The following FAIM2 variants were observed in gnomAD, a reference collection of about 807,000 sequenced individuals.
FAIM2 encodes Fas apoptotic inhibitory molecule 2.
FAIM2 carries 27 observed loss-of-function variants against 47.4 expected under a neutral mutation model. The observed-to-expected ratio is 0.57, with a 90% CI of 0.42 to 0.78. The LOEUF (loss-of-function observed/expected upper bound fraction) is 0.78, where lower values mean the gene tolerates loss of function less well. Among genes scored for constraint, FAIM2 ranks in the 30% least tolerant of loss-of-function variants. The pLI is 0.00. For synonymous variants in FAIM2, 156 were observed against 159.3 expected, an observed-to-expected ratio of 0.98 and a Z score of 0.16; for missense variants, 311 against 389.4, an observed-to-expected ratio of 0.80 and a Z score of 1.69.
chr12:49,878,377 C>T (rs111064881), intron 11 of FAIM2, among the ~76,000 whole-genome samples: 1 of 120,344 alleles, frequency 8.3e-6, no homozygotes, highest in African/African-American at 3.2e-5. Context: ...TGGGCATGTG[C>T]ATGTGTGTAT....
intron 11 of FAIM2, among the ~76,000 whole-genome samples, chr12:49,880,497 TGTGTGTATGA>T (rs1462982723): frequency 3.7e-5 from 3 of 82,030 alleles, no homozygotes; most frequent in African/African-American, 9.1e-5. Flanking sequence ...CATGTGTATG[TGTGTGTATGA>T]GTGTGTATGT....
At chr12:49,898,501 C>T (rs190631494) in intron 2 of FAIM2, among the ~76,000 whole-genome samples, 2 of 152,270 alleles carry the variant, frequency 1.3e-5, no homozygotes, top group East Asian at 3.9e-4. Flanking sequence ...AAGATCCTGA[C>T]CCTTGCTCAT....
rs952725446 is a variant in FAIM2 at position 49,868,791 on chromosome 12, C to T, written c.*1713G>A. On this transcript the variant is annotated 3_prime_UTR_variant, in exon 12 of 12. Coordinates refer to ENST00000320634, the MANE Select transcript of FAIM2 (RefSeq NM_012306.4). ...ACTGCGATGGATTAATTTAGACCAG[C>T]ACACAGTGGGCATCTCACCCGTGCC... 1 of 152,290 alleles carries T rather than the reference C, an allele frequency of 6.6e-6. No homozygotes were observed. Among genetic ancestry groups the T allele is most frequent in the African/African-American group, 2.4e-5 (1 of 41,450 alleles). 9.4% of individuals were successfully genotyped at this position (152,290 alleles called of 1,614,324 possible).
chr12:49,903,348 G>A (rs1946994129), intron 1 of FAIM2, among the ~76,000 whole-genome samples: 1 of 152,264 alleles, frequency 6.6e-6, no homozygotes, highest in East Asian at 1.9e-4. Context: ...TGGAGGGTGG[G>A]AAAGATGAGC....
intron 11 of FAIM2, among the ~76,000 whole-genome samples, chr12:49,883,764 G>A (rs1946842069): frequency 6.6e-6 from 1 of 152,158 alleles, no homozygotes; most frequent in South Asian, 2.1e-4. Flanking sequence ...GTGGGTGGTG[G>A]CCTGGACACC....
chr12:49,897,162 C>A, intron 4 of FAIM2, 78 bp from the exon 5 acceptor site: 1 of 1,192,290 alleles, frequency 8.4e-7, no homozygotes, highest in South Asian at 1.2e-5. Flanking sequence ...CTGCATCTGT[C>A]CCACACAGTT....
chr12:49,871,838 G>A (rs1243763610), intron 11 of FAIM2, among the ~76,000 whole-genome samples: 5 of 151,976 alleles, frequency 3.3e-5, no homozygotes, highest in African/African-American at 1.2e-4. Flanking sequence ...AGCTAATTTT[G>A]TATTTTTAGC....
Position 49,878,469 on chromosome 12 carries a change from T to G in FAIM2, c.802-7816A>C, listed in dbSNP as rs1401220046. ...CTGAGTGAATGTGTATGCATGTATG[T>G]GTGTGTGCATGTGTGTATATGTATG... On this transcript the variant is annotated intron_variant, in intron 11 of 11. Coordinates refer to ENST00000320634, the MANE Select transcript of FAIM2 (RefSeq NM_012306.4). Among the ~76,000 whole-genome samples the G allele has an allele frequency of 4.2e-5, 4 of 95,806 alleles. 1 individual carries two copies. The highest frequency in any genetic ancestry group is 1.4e-4 in the African/African-American group (4 of 29,488). The allele number at this position is 95,806 out of a possible 152,430, so 62.9% of individuals were successfully genotyped here. A position where few individuals can be genotyped will look rare whatever the true frequency, so the allele number is the denominator to read the frequency against.
intron 11 of FAIM2, among the ~76,000 whole-genome samples, chr12:49,879,030 GTC>G (rs1946774219): frequency 7.6e-6 from 1 of 132,330 alleles, no homozygotes; most frequent in African/African-American, 3.1e-5. Context: ...GTATGTGTGT[GTC>G]TGTGTGCATG....
At chr12:49,875,680 C>T (rs1047295524) in intron 11 of FAIM2, among the ~76,000 whole-genome samples, 2 of 152,154 alleles carry the variant, frequency 1.3e-5, no homozygotes, top group East Asian at 3.9e-4. Context: ...TATCTATCAA[C>T]TTTTTAAAAA....
At chr12:49,887,303 T>G (rs2137096416) in intron 11 of FAIM2, 83 bp downstream of exon 11, 3 of 1,263,018 alleles carry the variant, frequency 2.4e-6, no homozygotes, top group Middle Eastern at 3.7e-4. Context: ...AAGAGGGCTG[T>G]GAGGAAGATG....
chr12:49,871,530 A>G (rs1435973233), intron 11 of FAIM2, among the ~76,000 whole-genome samples: 1 of 152,196 alleles, frequency 6.6e-6, no homozygotes, highest in East Asian at 1.9e-4. Flanking sequence ...TAAAGAGCAG[A>G]ACCCTTAAGT....
chr12:49,895,613 C>G, intron 5 of FAIM2, among the ~76,000 whole-genome samples: 1 of 152,228 alleles, frequency 6.6e-6, no homozygotes, highest in Non-Finnish European at 1.5e-5. Flanking sequence ...CCCCAAGACA[C>G]ATGCCTCCCT....
chr12:49,892,879 C>G (rs1288276660), intron 5 of FAIM2, among the ~76,000 whole-genome samples: 1 of 152,222 alleles, frequency 6.6e-6, no homozygotes, highest in Non-Finnish European at 1.5e-5. Context: ...CTCCCCTGCT[C>G]GGTCTCCTGC....
intron 5 of FAIM2, among the ~76,000 whole-genome samples, chr12:49,893,686 G>A (rs1946915980): frequency 6.6e-6 from 1 of 152,226 alleles, no homozygotes; most frequent in Non-Finnish European, 1.5e-5. Flanking sequence ...CTGGTCTTCA[G>A]TGATTTTCAA....
chr12:49,895,605 C>T (rs1946930743), intron 5 of FAIM2, among the ~76,000 whole-genome samples: 1 of 152,214 alleles, frequency 6.6e-6, no homozygotes, highest in Non-Finnish European at 1.5e-5. Flanking sequence ...TCCCAGTTCC[C>T]CAAGACACAT....
At chr12:49,879,850 GTA>G (rs1281483255) in intron 11 of FAIM2, among the ~76,000 whole-genome samples, 1 of 144,928 alleles carries the variant, frequency 6.9e-6, no homozygotes, top group Non-Finnish European at 1.5e-5. Context: ...GTGAGTGTAT[GTA>G]TGTTCATGTG....
chr12:49,889,663 C>G (rs1946885820), intron 8 of FAIM2, 95 bp from the exon 9 acceptor site: 1 of 1,012,398 alleles, frequency 9.9e-7, no homozygotes, highest in African/African-American at 1.6e-5. Context: ...AGGACCTGGT[C>G]TTGGGATCCC....
chr12:49,867,548 G>C lies in FAIM2; in HGVS notation c.*2956C>G, dbSNP rs1339928675. 6.6e-6 allele frequency: 1 copy of C among 152,180 alleles called. No individual in the cohort carries two copies. The highest frequency in any genetic ancestry group is 2.4e-5 in the African/African-American group (1 of 41,422). The allele number at this position is 152,180 out of a possible 1,614,324, so 9.4% of individuals were successfully genotyped here. A position where few individuals can be genotyped will look rare whatever the true frequency, so the allele number is the denominator to read the frequency against. On this transcript the variant is annotated 3_prime_UTR_variant, in exon 12 of 12. Coordinates refer to ENST00000320634, the MANE Select transcript of FAIM2 (RefSeq NM_012306.4). The stretch of plus-strand genomic sequence containing the variant: ...TCCCAGACTCGTGTGTGCCTCCCGG[G>C]CCCCCATCTGCAGCTTCCAGAAGAG...
Sources: gnomAD v4.1 joint callset for allele counts (sites outside exome capture counted in the v4.1 genomes callset) on GRCh38, gnomAD v4.1.1 for gene constraint, MANE v1.5 for transcripts, NCBI Gene and HGNC (gene_info 2026-07-23, HGNC 2026-07-21) for gene names.